SMC5: variants seen among roughly 807,000 people sequenced by gnomAD.
The protein encoded by SMC5 is structural maintenance of chromosomes protein 5.
In SMC5, 88 loss-of-function variants were observed where a neutral mutation model predicts 148.3. The ratio of observed to expected loss-of-function variants is 0.59; its 90% CI spans 0.50 to 0.71. The LOEUF is 0.71. Among genes scored for constraint, SMC5 ranks in the 30% least tolerant of loss-of-function variants. The pLI is 0.00. For synonymous variants in SMC5, 421 were observed against 432.8 expected (o/e 0.97, Z 0.34); for missense variants, 1,142 against 1,298.9 (o/e 0.88, Z 1.86).
chr9:70,330,466 GA>G, intron 17 of SMC5, among the ~76,000 whole-genome samples: 1 of 151,274 alleles, frequency 6.6e-6, no homozygotes. Flanking sequence ...GCAAAACCTA[GA>G]ATATAAGGAA....
chr9:70,323,998 C>T (rs1187649671), intron 16 of SMC5, 23 bp from the exon 17 acceptor site: 6 of 1,516,030 alleles, frequency 4.0e-6, no homozygotes, highest in African/African-American at 2.8e-5. Context: ...TAAAAATTAA[C>T]TCTTAGGGGT....
chr9:70,280,723 C>T (rs1404176683), intron 5 of SMC5, 36 bp from the exon 6 acceptor site: 3 of 1,563,526 alleles, frequency 1.9e-6, no homozygotes, highest in South Asian at 2.4e-5. Flanking sequence ...GTCATTTTTT[C>T]TGTCAAACTG....
intron 2 of SMC5, 101 bp downstream of exon 2, chr9:70,264,546 T>C (rs2034223714): frequency 8.7e-7 from 1 of 1,147,378 alleles, no homozygotes; most frequent in Admixed American, 2.4e-5. Context: ...GCAAACTTAA[T>C]AGTGCATGAA....
chr9:70,286,368 C>T, intron 8 of SMC5, 97 bp downstream of exon 8: 1 of 732,018 alleles, frequency 1.4e-6, no homozygotes, highest in Non-Finnish European at 2.3e-6. Context: ...GGGGAATGGC[C>T]AAGATCCTCT....
Position 70,344,149 on chromosome 9 carries a change from T to C in SMC5, c.2403T>C (p.His801=), listed in dbSNP as rs772723325. ...ASSQLRLTEQ[H]FIELDENRQR... is the part of the protein sequence containing the mutation. ...AAAATAAATTTTTTTAATAGCAACATTTCATTGAATTGGATGAAAATAGAC... is the reference window on the plus strand; with the variant it reads ...AAAATAAATTTTTTTAATAGCAACACTTCATTGAATTGGATGAAAATAGAC... The change falls in exon 18 of 25, where the codon CAT becomes CAC. Residue 801 remains histidine (H), a synonymous_variant. Coordinates refer to ENST00000361138, the MANE Select transcript of SMC5 (RefSeq NM_015110.4). 11 of 1,514,888 alleles carry C rather than the reference T, an allele frequency of 7.3e-6. No homozygotes were observed. In the East Asian group the frequency reaches 2.7e-4, roughly 37 times the overall value. The allele number at this position is 1,514,888 out of a possible 1,614,324, so 93.8% of individuals were successfully genotyped here.
intron 15 of SMC5, among the ~76,000 whole-genome samples, chr9:70,320,540 G>A (rs1370153721): frequency 6.6e-6 from 1 of 152,084 alleles, no homozygotes; most frequent in Admixed American, 6.6e-5. Context: ...TAGCATTTAT[G>A]TTGTATTAGG....
intron 3 of SMC5, among the ~76,000 whole-genome samples, chr9:70,274,299 T>G (rs1231130737): frequency 6.6e-6 from 1 of 152,156 alleles, no homozygotes; most frequent in Non-Finnish European, 1.5e-5. Flanking sequence ...GCCAGGACGG[T>G]CTCGATCTCC....
At chr9:70,265,923 A>C (rs1363304098) in intron 2 of SMC5, among the ~76,000 whole-genome samples, 1 of 152,230 alleles carries the variant, frequency 6.6e-6, no homozygotes, top group Non-Finnish European at 1.5e-5. Context: ...ATACTGGGAG[A>C]GCTATCAATA....
chr9:70,274,120 C>T (rs1355758440), intron 3 of SMC5, among the ~76,000 whole-genome samples: 5 of 152,188 alleles, frequency 3.3e-5, no homozygotes, highest in East Asian at 3.9e-4. Context: ...CTCGCTTAGT[C>T]GCCCAGGCTG....
chr9:70,329,961 A>T (rs2118704486), intron 17 of SMC5, among the ~76,000 whole-genome samples: 1 of 152,270 alleles, frequency 6.6e-6, no homozygotes, highest in African/African-American at 2.4e-5. Context: ...AGAAGGGGGA[A>T]GTGCTGCACA....
At chr9:70,334,126 G>GT (rs1283545374) in intron 17 of SMC5, among the ~76,000 whole-genome samples, 2 of 142,234 alleles carry the variant, frequency 1.4e-5, no homozygotes, top group African/African-American at 5.5e-5. Context: ...GTCAGTTGTT[G>GT]TTGTTTTTTT....
chr9:70,331,763 A>G (rs1282215951), intron 17 of SMC5, among the ~76,000 whole-genome samples: 1 of 152,210 alleles, frequency 6.6e-6, no homozygotes, highest in Non-Finnish European at 1.5e-5. Flanking sequence ...ATTCTTCGCG[A>G]TGATGAAGTA....
intron 5 of SMC5, among the ~76,000 whole-genome samples, chr9:70,280,203 C>T (rs2034712838): frequency 6.6e-6 from 1 of 152,164 alleles, no homozygotes. Context: ...ACACTCTTGA[C>T]CATCCGCTGA....
At chr9:70,274,431 T>G (rs1436020236) in intron 3 of SMC5, among the ~76,000 whole-genome samples, 1 of 152,046 alleles carries the variant, frequency 6.6e-6, no homozygotes, top group African/African-American at 2.4e-5. Flanking sequence ...TTCTTTTGCC[T>G]TAAAGTCCGT....
intron 6 of SMC5, 98 bp downstream of exon 6, chr9:70,280,997 C>A: frequency 1.5e-6 from 2 of 1,360,414 alleles, no homozygotes; most frequent in East Asian, 2.3e-5. Context: ...TTAGGTGCTT[C>A]TTTTTCATTT....
At position 70,264,309 on chromosome 9, in the gene SMC5, A is replaced by G; in HGVS notation, c.191A>G (p.Tyr64Cys). Residue 64 changes from tyrosine to cysteine, a missense_variant, in exon 2 of 25, where the codon TAT becomes TGT. Transcript: ENST00000361138. ...TTCATCTCTTTATAATTCAGAACAT[A>G]TGATATTTGTGAAGTATCTCCTGGA... is the stretch of plus-strand genomic sequence containing the variant. ...VRISMENFLT[Y>C]DICEVSPGPH... is the part of the protein sequence containing the mutation. 1 of 1,613,024 alleles carries G rather than the reference A, an allele frequency of 6.2e-7. No individual in the cohort carries two copies. Among genetic ancestry groups the G allele is most frequent in the Non-Finnish European group, 8.5e-7 (1 of 1,179,424 alleles).
chr9:70,309,744 C>G (rs2035611153), intron 11 of SMC5, among the ~76,000 whole-genome samples: 1 of 152,192 alleles, frequency 6.6e-6, no homozygotes, highest in African/African-American at 2.4e-5. Flanking sequence ...AGTCGAACCT[C>G]TCAAAGTCTT....
intron 9 of SMC5, among the ~76,000 whole-genome samples, chr9:70,298,873 T>C (rs1456539710): frequency 6.6e-6 from 1 of 151,964 alleles, no homozygotes; most frequent in Non-Finnish European, 1.5e-5. Context: ...TATCATATTC[T>C]TATTTCACTA....
rs770523017 is a variant in SMC5, at chr9:70,315,577, G to A, written c.1805G>A (p.Arg602Gln). The A allele has an allele frequency of 3.1e-5, 48 of 1,567,926 alleles. No individual in the cohort carries two copies. Among genetic ancestry groups the A allele is most frequent in the Non-Finnish European group, 3.5e-5 (40 of 1,156,486 alleles). ...GTEKTRERIE[R>Q]VIQETRLKQI... is the part of the protein sequence containing the mutation. ...GAAAAGACCAGAGAAAGAATTGAAC[G>A]GGTAGGAAAGTAGTGAATCATGTAC... is the stretch of plus-strand genomic sequence containing the variant. The change falls in exon 13 of 25, where the codon CGG (arginine) becomes CAG (glutamine). Residue 602 changes from arginine to glutamine, a missense_variant and splice_region_variant. Arg to Gln is a conservative substitution (Grantham distance 43). Around this residue, in one of 5 missense-constraint regions of SMC5, gnomAD observed 743 missense variants for 835.7 expected, o/e 0.89. Transcript: ENST00000361138.
Sources: allele counts gnomAD v4.1 joint callset (sites outside exome capture counted in the v4.1 genomes callset), GRCh38; gene constraint gnomAD v4.1.1; regional missense constraint gnomAD v4.1.1; transcripts MANE v1.5; gene names NCBI Gene and HGNC (gene_info 2026-07-23, HGNC 2026-07-21).